The following PTPRZ1 variants were observed in gnomAD, a reference collection of about 807,000 sequenced individuals.
PTPRZ1 encodes receptor-type tyrosine-protein phosphatase zeta.
PTPRZ1 carries 82 observed loss-of-function variants against 214.1 expected under a neutral mutation model. The ratio of observed to expected loss-of-function variants is 0.38; its 90% CI spans 0.32 to 0.46. PTPRZ1 has a LOEUF of 0.46. Among genes scored for constraint, PTPRZ1 ranks in the 20% least tolerant of loss-of-function variants. The pLI is 1.00. For missense variants in PTPRZ1, 2,603 were observed against 2,748.7 expected (o/e 0.95, Z 1.19); for synonymous variants, 945 against 987.9 (o/e 0.96, Z 0.81).
intron 1 of PTPRZ1, among the ~76,000 whole-genome samples, chr7:121,889,514 A>G (rs1472679711): frequency 6.6e-6 from 1 of 152,202 alleles, no homozygotes; most frequent in Non-Finnish European, 1.5e-5. Flanking sequence ...CTAGCTTAGC[A>G]TATGATAAGT....
At chr7:121,874,424 T>C (rs1241706076) in intron 1 of PTPRZ1, among the ~76,000 whole-genome samples, 2 of 152,238 alleles carry the variant, frequency 1.3e-5, no homozygotes, top group African/African-American at 4.8e-5. Flanking sequence ...TTTTCCTTCA[T>C]GATTTTCCAT....
At chr7:121,900,477 T>G (rs1186092261) in intron 1 of PTPRZ1, among the ~76,000 whole-genome samples, 1 of 152,176 alleles carries the variant, frequency 6.6e-6, no homozygotes, top group Non-Finnish European at 1.5e-5. Flanking sequence ...TCTCTTCCCA[T>G]TCTACTCCAT....
chr7:122,027,289 G>A (rs1799231318), intron 13 of PTPRZ1, among the ~76,000 whole-genome samples: 1 of 152,192 alleles, frequency 6.6e-6, no homozygotes, highest in South Asian at 2.1e-4. Context: ...GGATCCTGGT[G>A]GGTGAGGGAG....
chr7:121,873,328 TCACACACA>T lies in PTPRZ1; in HGVS notation c.-157_-150del, dbSNP rs35113798. 3.9e-5 allele frequency: 21 copies of T among 533,102 alleles called. No individual in the cohort carries two copies. The East Asian group carries it at 5.2e-4, about 13-fold the overall frequency. The allele number at this position is 533,102 out of a possible 1,614,324, so 33.0% of individuals were successfully genotyped here. ...GTCTCTGTCTCTGTCTCTCTCTCTCTCACACACACACACACACACACAAACACACATAC... is the reference window on the plus strand; with the variant it reads ...GTCTCTGTCTCTGTCTCTCTCTCTCTCACACACACACACAAACACACATAC... On this transcript the variant is annotated 5_prime_UTR_variant, in exon 1 of 30. Transcript: ENST00000393386.
intron 26 of PTPRZ1, among the ~76,000 whole-genome samples, chr7:122,054,592 C>CTA (rs1216107043): frequency 1.3e-5 from 2 of 152,156 alleles, no homozygotes; most frequent in African/African-American, 4.8e-5. Context: ...CAGTTCTTAT[C>CTA]TATAAAGTTA....
chr7:122,013,858 G>A lies in PTPRZ1; in HGVS notation c.4812G>A (p.Glu1604=). The change falls in exon 12 of 30, where the codon GAG becomes GAA. Residue 1604 remains glutamate, a synonymous_variant. Coordinates refer to ENST00000393386, the MANE Select transcript of PTPRZ1 (RefSeq NM_002851.3). The stretch of plus-strand genomic sequence containing the variant: ...CCCCAACATCATCTGTTACTAGCGA[G>A]AACTCAGAAGTGTTCCACGTTTCAG... ...PQSPTSSVTS[E]NSEVFHVSEA... is the part of the protein sequence containing the mutation. The A allele has an allele frequency of 6.2e-7, 1 of 1,611,876 alleles. No individual in the cohort carries two copies. The highest frequency in any genetic ancestry group is 1.7e-4 in the Middle Eastern group (1 of 6,054).
At chr7:121,977,000 T>G in intron 6 of PTPRZ1, 149 bp downstream of exon 6, 1 of 520,224 alleles carries the variant, frequency 1.9e-6, no homozygotes, top group Non-Finnish European at 3.3e-6. Context: ...ACTTGATAAT[T>G]TATACATTTC....
chr7:121,912,850 GATCAT>G (rs1216842273), intron 1 of PTPRZ1, among the ~76,000 whole-genome samples: 11 of 152,146 alleles, frequency 7.2e-5, no homozygotes, highest in Non-Finnish European at 1.5e-4. Context: ...GTCTGCTCCT[GATCAT>G]AAAAGGAAGG....
chr7:121,970,156 AT>A (rs1414007862), intron 3 of PTPRZ1, among the ~76,000 whole-genome samples: 1 of 152,044 alleles, frequency 6.6e-6, no homozygotes, highest in Admixed American at 6.6e-5. Context: ...GCTGCATAGT[AT>A]TCCATGGTGT....
intron 11 of PTPRZ1, among the ~76,000 whole-genome samples, chr7:122,007,746 T>C (rs1323974665): frequency 6.6e-6 from 1 of 152,136 alleles, no homozygotes; most frequent in Non-Finnish European, 1.5e-5. Flanking sequence ...CACTAACTTT[T>C]AAAAATGAAG....
chr7:122,043,728 G>C (rs1228974818), intron 22 of PTPRZ1, among the ~76,000 whole-genome samples: 2 of 152,052 alleles, frequency 1.3e-5, no homozygotes, highest in Non-Finnish European at 1.5e-5. Flanking sequence ...AGACATAGAG[G>C]GGAACAACAC....
intron 3 of PTPRZ1, among the ~76,000 whole-genome samples, chr7:121,968,411 A>T (rs1797109044): frequency 1.3e-5 from 2 of 152,170 alleles, no homozygotes; most frequent in African/African-American, 4.8e-5. Context: ...CAGCTAATAT[A>T]ATTTAGTCAA....
At chr7:122,057,819 G>A (rs1256552355) in intron 27 of PTPRZ1, among the ~76,000 whole-genome samples, 2 of 151,372 alleles carry the variant, frequency 1.3e-5, no homozygotes, top group African/African-American at 2.4e-5. Context: ...TTTTCCAAAC[G>A]TACCACCTGA....
chr7:122,038,612 T>A, intron 18 of PTPRZ1, 143 bp from the exon 19 acceptor site: 1 of 544,700 alleles, frequency 1.8e-6, no homozygotes, highest in Non-Finnish European at 2.8e-6. Context: ...GTTGGTACCA[T>A]CAAATTTCTC....
chr7:121,994,782 A>G (rs1362883072), intron 8 of PTPRZ1, among the ~76,000 whole-genome samples: 1 of 152,184 alleles, frequency 6.6e-6, no homozygotes, highest in Non-Finnish European at 1.5e-5. Context: ...TCAGTAGAGT[A>G]ACATCATGTA....
intron 3 of PTPRZ1, among the ~76,000 whole-genome samples, chr7:121,969,235 C>T (rs1167850844): frequency 6.7e-6 from 1 of 149,572 alleles, no homozygotes; most frequent in Non-Finnish European, 1.5e-5. Context: ...GAGATCCTAT[C>T]CAAAAAATCA....
At chr7:122,015,096 TG>T (rs1798806314) in intron 12 of PTPRZ1, among the ~76,000 whole-genome samples, 1 of 152,214 alleles carries the variant, frequency 6.6e-6, no homozygotes, top group Non-Finnish European at 1.5e-5. Flanking sequence ...TACAGATGTC[TG>T]CTTTAAATGC....
At chr7:121,987,113 T>C (rs952633958) in intron 8 of PTPRZ1, among the ~76,000 whole-genome samples, 1 of 152,200 alleles carries the variant, frequency 6.6e-6, no homozygotes, top group Middle Eastern at 3.2e-3. Flanking sequence ...TTATTAGTGT[T>C]TTGTATCTTT....
chr7:121,974,712 AC>A (rs537818895), intron 4 of PTPRZ1, among the ~76,000 whole-genome samples: 123 of 149,476 alleles, frequency 8.2e-4, no homozygotes, highest in Non-Finnish European at 1.5e-3. Flanking sequence ...CTGGTCTTGA[AC>A]TCCTGACCTC....
Sources: gnomAD v4.1 joint callset for allele counts (sites outside exome capture counted in the v4.1 genomes callset) on GRCh38, gnomAD v4.1.1 for gene constraint, MANE v1.5 for transcripts, NCBI Gene and HGNC (gene_info 2026-07-23, HGNC 2026-07-21) for gene names.